Variants in ABCC10 observed in about 807,000 individuals in gnomAD.
ABCC10 encodes the protein ATP-binding cassette sub-family C member 10.
In ABCC10, 110 loss-of-function variants were observed where a neutral mutation model predicts 143.2. The ratio of observed to expected loss-of-function variants is 0.77; its 90% CI spans 0.66 to 0.90. The LOEUF (loss-of-function observed/expected upper bound fraction) is 0.90, where lower values mean the gene tolerates loss of function less well. Ranked by LOEUF, ABCC10 falls within the 40% of genes least tolerant of loss-of-function variation. The pLI, the probability that ABCC10 is intolerant of heterozygous loss-of-function variation, is 0.00. For synonymous variants in ABCC10, 805 were observed against 846.7 expected, an observed-to-expected ratio of 0.95 and a Z score of 0.85; for missense variants, 1,700 against 1,900.5, an observed-to-expected ratio of 0.89 and a Z score of 1.96.
Position 43,438,640 on chromosome 6 carries a change from G to A in ABCC10, c.1972G>A (p.Ala658Thr), listed in dbSNP as rs747565555. ...TCTCTGCAGGCTGCGTGGGCATGTG[G>A]CAGTGCGGGGGCTGTCCAAGGGCTT... ...GELHRLRGHV[A>T]VRGLSKGFGL... The change falls in exon 8 of 22, where the codon GCA (alanine) becomes ACA (threonine). Residue 658 changes from alanine (A) to threonine (T), a missense_variant. By Grantham distance (58) the Ala-to-Thr change is moderately conservative. Transcript: ENST00000372530. 9 of 1,613,906 alleles carry A rather than the reference G, an allele frequency of 5.6e-6. No individual in the cohort carries two copies. The highest frequency in any genetic ancestry group is 7.6e-6 in the Non-Finnish European group (9 of 1,180,040).
At chr6:43,444,959 G>A (rs1782872226) in intron 13 of ABCC10, 21 bp downstream of exon 13, 1 of 1,601,168 alleles carries the variant, frequency 6.2e-7, no homozygotes, top group Middle Eastern at 1.7e-4. Flanking sequence ...GGGGCTGGGG[G>A]TAGGCCTGGT....
chr6:43,429,372 T>TTTTG (rs1780869728), intron 2 of ABCC10, among the ~76,000 whole-genome samples: 7 of 98,186 alleles, frequency 7.1e-5, no homozygotes, highest in African/African-American at 3.1e-4. Flanking sequence ...CTTTTCTTTC[T>TTTTG]TGTGTGTGTG....
intron 3 of ABCC10, 87 bp downstream of exon 3, chr6:43,433,447 A>G: frequency 6.9e-7 from 1 of 1,458,146 alleles, no homozygotes; most frequent in Non-Finnish European, 9.0e-7. Flanking sequence ...TACCTGAGGG[A>G]GTGAGAGTGA....
intron 12 of ABCC10, 40 bp from the exon 13 acceptor site, chr6:43,444,748 A>G (rs758340463): frequency 6.5e-7 from 1 of 1,544,434 alleles, no homozygotes; most frequent in Non-Finnish European, 8.7e-7. Flanking sequence ...AACAAGGGAG[A>G]GGAGCCTCTT....
chr6:43,445,368 T>C, intron 14 of ABCC10, 54 bp downstream of exon 14: 17 of 1,557,030 alleles, frequency 1.1e-5, no homozygotes, highest in Non-Finnish European at 1.5e-5. Context: ...CCCTGTGGAG[T>C]GTCCTCCCAA....
intron 2 of ABCC10, among the ~76,000 whole-genome samples, chr6:43,429,024 C>T (rs1223466582): frequency 6.6e-6 from 1 of 152,206 alleles, no homozygotes; most frequent in East Asian, 1.9e-4. Context: ...GGGATTCATC[C>T]GCCCCCTGGG....
Position 43,427,551 on chromosome 6 carries a change from C to G in ABCC10, c.-218C>G, listed in dbSNP as rs1448542740. 1 of 293,690 alleles carries G rather than the reference C, an allele frequency of 3.4e-6. No individual in the cohort carries two copies. Among genetic ancestry groups the G allele is most frequent in the South Asian group, 3.0e-5 (1 of 33,498 alleles). The allele number at this position is 293,690 out of a possible 1,614,324, so 18.2% of individuals were successfully genotyped here. Reference sequence around the variant, plus strand: ...ATGCGTGCAGCTACCAGCATATGGGCGTGGCGAATAGCGCCGGCTAGGTCT... The same window carrying G: ...ATGCGTGCAGCTACCAGCATATGGGGGTGGCGAATAGCGCCGGCTAGGTCT... On this transcript the variant is annotated 5_prime_UTR_variant, in exon 1 of 22. Transcript: ENST00000372530.
In ABCC10 at chr6:43,438,645, G is replaced by A. The variant is rs1782005322; in HGVS notation, c.1977G>A (p.Val659=). The change falls in exon 8 of 22, where the codon GTG becomes GTA. Residue 659 remains valine, a synonymous_variant. Transcript: ENST00000372530. Reference sequence around the variant, plus strand: ...GCAGGCTGCGTGGGCATGTGGCAGTGCGGGGGCTGTCCAAGGGCTTTGGCC... The same window carrying A: ...GCAGGCTGCGTGGGCATGTGGCAGTACGGGGGCTGTCCAAGGGCTTTGGCC... ...ELHRLRGHVA[V]RGLSKGFGLA... 1.2e-6 allele frequency: 2 copies of A among 1,614,088 alleles called. No individual in the cohort carries two copies. The highest frequency in any genetic ancestry group is 2.2e-5 in the East Asian group (1 of 44,884).
chr6:43,447,404 T>C lies in ABCC10; in HGVS notation c.3701T>C (p.Leu1234Pro). 5 of 1,613,090 alleles carry C rather than the reference T, an allele frequency of 3.1e-6. No individual in the cohort carries two copies. Among genetic ancestry groups the C allele is most frequent in the Non-Finnish European group, 4.2e-6 (5 of 1,179,852 alleles). Residue 1234 changes from leucine (L) to proline (P), a missense_variant, in exon 17 of 22, where the codon CTG becomes CCG. By Grantham distance (98) the Leu-to-Pro change is moderately conservative. Coordinates refer to ENST00000372530, the MANE Select transcript of ABCC10 (RefSeq NM_001198934.2). Reference sequence around the variant, plus strand: ...CCCCAGGAACCCCAGGGCCAGCCACTGCAGGTGGGCCTGTACCCCCACCCC... The same window carrying C: ...CCCCAGGAACCCCAGGGCCAGCCACCGCAGGTGGGCCTGTACCCCCACCCC... ...DLPQEPQGQP[L>P]QLGTGWLTQG...
intron 3 of ABCC10, among the ~76,000 whole-genome samples, chr6:43,433,824 G>A (rs772133583): frequency 5.6e-4 from 86 of 152,234 alleles, no homozygotes; most frequent in Non-Finnish European, 1.2e-3. Flanking sequence ...AACCTCAGCT[G>A]CCTCTTTGGG....
chr6:43,449,606 G>A (rs1302879117), intron 21 of ABCC10, 72 bp downstream of exon 21: 1 of 1,316,424 alleles, frequency 7.6e-7, no homozygotes, highest in Non-Finnish European at 1.1e-6. Context: ...GTTGCTTTCA[G>A]GGACCCCAGT....
At position 43,432,832 on chromosome 6, in the gene ABCC10, C is replaced by G; in HGVS notation, c.852C>G (p.Cys284Trp). ...WRALYGAFGR[C>W]YLALGLLKLV... ...CCTTGTATGGGGCCTTTGGACGGTGCTATCTGGCACTTGGACTGCTGAAGC... is the reference window on the plus strand; with the variant it reads ...CCTTGTATGGGGCCTTTGGACGGTGGTATCTGGCACTTGGACTGCTGAAGC... The change falls in exon 3 of 22, where the codon TGC becomes TGG. Residue 284 changes from cysteine to tryptophan, a missense_variant. Coordinates refer to ENST00000372530, the MANE Select transcript of ABCC10 (RefSeq NM_001198934.2). 1 of 1,614,194 alleles carries G rather than the reference C, an allele frequency of 6.2e-7. No individual in the cohort carries two copies. The highest frequency in any genetic ancestry group is 8.5e-7 in the Non-Finnish European group (1 of 1,180,034).
At chr6:43,450,816 T>C (rs772891815), downstream of ABCC10, 35 of 1,614,026 alleles carry the variant, frequency 2.2e-5, 2 homozygotes, top group Admixed American at 5.0e-5. This position sits in a 1 kb window ranked among gnomAD's most constrained non-coding sequence, Gnocchi z 4.5. Flanking sequence ...CACCACCTCC[T>C]TCACTGAGAT....
At chr6:43,442,310 G>T (rs1782556471) in intron 9 of ABCC10, among the ~76,000 whole-genome samples, 1 of 152,158 alleles carries the variant, frequency 6.6e-6, no homozygotes, top group Non-Finnish European at 1.5e-5. Flanking sequence ...GTTAGTTGGT[G>T]TAATCCTAGC....
intron 8 of ABCC10, among the ~76,000 whole-genome samples, chr6:43,440,906 A>ATCTCT (rs1782358681): frequency 7.4e-6 from 1 of 135,308 alleles, no homozygotes; most frequent in Non-Finnish European, 1.6e-5. Flanking sequence ...ATATGGTAAA[A>ATCTCT]TCTCTTCTCT....
At chr6:43,445,975 T>C (rs940227996) in intron 15 of ABCC10, 33 bp downstream of exon 15, 2 of 1,585,820 alleles carry the variant, frequency 1.3e-6, no homozygotes, top group African/African-American at 2.7e-5. Context: ...GGATGAGGTG[T>C]TGGGGGGAGA....
downstream of ABCC10, chr6:43,451,282 A>G (rs187477013): frequency 7.4e-3 from 11,998 of 1,612,112 alleles, 63 homozygotes; most frequent in Non-Finnish European, 8.9e-3. The surrounding 1 kb of genome is among the most constrained non-coding windows in gnomAD (Gnocchi z 4.4). Flanking sequence ...GAGCTGTGGT[A>G]GGGGTGAGAG....
chr6:43,432,071 T>G, intron 2 of ABCC10, 71 bp from the exon 3 acceptor site: 2 of 1,567,212 alleles, frequency 1.3e-6, no homozygotes, highest in Non-Finnish European at 1.7e-6. Flanking sequence ...AGTGAATTAT[T>G]GGAGGTGAGG....
Position 43,427,634 on chromosome 6 carries a change from CTT to C in ABCC10, c.-123_-122del, listed in dbSNP as rs79196551. Reference sequence around the variant, plus strand: ...GGCCCAGCACCCCGGCCGGGCAGTACTTTTTTTTTTTTTGCATACACCAGTTC... The same window carrying C: ...GGCCCAGCACCCCGGCCGGGCAGTACTTTTTTTTTTTGCATACACCAGTTC... On this transcript the variant is annotated 5_prime_UTR_variant, in exon 1 of 22. Coordinates refer to ENST00000372530, the MANE Select transcript of ABCC10 (RefSeq NM_001198934.2). The C allele has an allele frequency of 0.011, 3,425 of 306,442 alleles. No homozygotes were observed. Among genetic ancestry groups the C allele is most frequent in the Middle Eastern group, 0.019 (17 of 918 alleles). The allele number at this position is 306,442 out of a possible 1,614,324, so 19.0% of individuals were successfully genotyped here. A position where few individuals can be genotyped will look rare whatever the true frequency, so the allele number is the denominator to read the frequency against.
Sources: gnomAD v4.1 joint callset for allele counts (sites outside exome capture counted in the v4.1 genomes callset) on GRCh38, gnomAD v4.1.1 for gene constraint, Gnocchi (gnomAD v3.1) non-coding constraint, MANE v1.5 for transcripts, NCBI Gene and HGNC (gene_info 2026-07-23, HGNC 2026-07-21) for gene names.